The following CDH12 variants were observed in gnomAD, a reference collection of about 807,000 sequenced individuals.
CDH12 encodes the protein cadherin-12.
Under a neutral mutation model 74.1 loss-of-function variants are expected in CDH12, and 41 were observed. The ratio of observed to expected loss-of-function variants is 0.55; its 90% confidence interval spans 0.43 to 0.72. The LOEUF (loss-of-function observed/expected upper bound fraction) is 0.72, where lower values mean the gene tolerates loss of function less well. Among genes scored for constraint, CDH12 ranks in the 30% least tolerant of loss-of-function variants. CDH12 has a pLI of 0.00. For synonymous variants in CDH12, 399 were observed against 355.0 expected (o/e 1.12, Z -1.39); for missense variants, 945 against 977.2 (o/e 0.97, Z 0.44).
At chr5:21,992,802 TA>T (rs1335749278) in intron 5 of CDH12, among the ~76,000 whole-genome samples, 1 of 152,168 alleles carries the variant, frequency 6.6e-6, no homozygotes, top group Admixed American at 6.6e-5. Flanking sequence ...TTTTACATCA[TA>T]AAACTTGATG....
chr5:22,720,656 C>T (rs1341936077), intron 1 of CDH12, among the ~76,000 whole-genome samples: 12 of 152,060 alleles, frequency 7.9e-5, no homozygotes. Flanking sequence ...ACTCAGAAGA[C>T]AGGAAGATGT....
At chr5:22,737,663 A>C (rs1042885190) in intron 1 of CDH12, among the ~76,000 whole-genome samples, 6 of 152,056 alleles carry the variant, frequency 3.9e-5, no homozygotes, top group Admixed American at 3.9e-4. Flanking sequence ...AGAATCGACA[A>C]ACTTATGACA....
chr5:21,844,151 A>C (rs1750027058), intron 7 of CDH12, among the ~76,000 whole-genome samples: 1 of 152,148 alleles, frequency 6.6e-6, no homozygotes, highest in Non-Finnish European at 1.5e-5. Context: ...TTAGATTAAA[A>C]CATTAAGATG....
chr5:22,076,513 T>A (rs559975501), intron 5 of CDH12, among the ~76,000 whole-genome samples: 5 of 152,258 alleles, frequency 3.3e-5, no homozygotes, highest in African/African-American at 1.2e-4. Context: ...CTAGCTTCTG[T>A]CATAAACAGA....
intron 6 of CDH12, among the ~76,000 whole-genome samples, chr5:21,971,087 T>G (rs1453195400): frequency 6.6e-6 from 1 of 151,876 alleles, no homozygotes; most frequent in Non-Finnish European, 1.5e-5. Context: ...TAAACTTTCT[T>G]TTTAAGATAT....
At chr5:22,271,837 T>A (rs1024722524) in intron 3 of CDH12, among the ~76,000 whole-genome samples, 4 of 152,112 alleles carry the variant, frequency 2.6e-5, no homozygotes, top group African/African-American at 9.7e-5. Flanking sequence ...GTCTAAAATA[T>A]TAGGTGAACT....
At chr5:22,467,864 A>G (rs1163553071) in intron 2 of CDH12, among the ~76,000 whole-genome samples, 2 of 152,200 alleles carry the variant, frequency 1.3e-5, no homozygotes, top group Non-Finnish European at 2.9e-5. Context: ...AAATTTGCAG[A>G]AATTTTATTT....
intron 1 of CDH12, among the ~76,000 whole-genome samples, chr5:22,840,009 A>G (rs1737011785): frequency 1.3e-5 from 2 of 152,232 alleles, no homozygotes; most frequent in Admixed American, 6.5e-5. Flanking sequence ...GAACAAACTA[A>G]GTACTGCAGA....
chr5:22,033,296 A>T (rs1300161110), intron 5 of CDH12, among the ~76,000 whole-genome samples: 1 of 152,206 alleles, frequency 6.6e-6, no homozygotes, highest in Non-Finnish European at 1.5e-5. Context: ...CTATTGTCCA[A>T]GATTTTGTTT....
chr5:22,625,646 T>A (rs146678934), intron 1 of CDH12, among the ~76,000 whole-genome samples: 9 of 152,260 alleles, frequency 5.9e-5, no homozygotes, highest in African/African-American at 2.2e-4. Flanking sequence ...GCCCAGGGGA[T>A]AAGGCCTGTC....
At chr5:21,919,186 T>G (rs1230236014) in intron 6 of CDH12, among the ~76,000 whole-genome samples, 1 of 152,220 alleles carries the variant, frequency 6.6e-6, no homozygotes, top group African/African-American at 2.4e-5. Flanking sequence ...ATTTCAAATG[T>G]AGGGATGATT....
intron 4 of CDH12, among the ~76,000 whole-genome samples, chr5:22,179,843 A>G (rs1199496520): frequency 6.6e-6 from 1 of 152,162 alleles, no homozygotes; most frequent in South Asian, 2.1e-4. Flanking sequence ...AGAGTGACAA[A>G]TGTGTGTCAT....
intron 3 of CDH12, among the ~76,000 whole-genome samples, chr5:22,389,562 A>G (rs115351945): frequency 0.012 from 1,838 of 152,274 alleles, 36 homozygotes; most frequent in African/African-American, 0.041. Context: ...TAAAACATCA[A>G]TGCAAAAACA....
chr5:22,083,504 A>G (rs937043860), intron 4 of CDH12, among the ~76,000 whole-genome samples: 1 of 152,204 alleles, frequency 6.6e-6, no homozygotes, highest in Non-Finnish European at 1.5e-5. Flanking sequence ...TGTAGGCACC[A>G]AGTACATCTT....
intron 3 of CDH12, among the ~76,000 whole-genome samples, chr5:22,247,832 G>A (rs1753007022): frequency 6.6e-6 from 1 of 152,088 alleles, no homozygotes; most frequent in Non-Finnish European, 1.5e-5. Flanking sequence ...AAAGTCACAT[G>A]TAAACATATC....
chr5:22,032,852 A>G (rs1738917105), intron 5 of CDH12, among the ~76,000 whole-genome samples: 1 of 150,692 alleles, frequency 6.6e-6, no homozygotes, highest in African/African-American at 2.4e-5. Flanking sequence ...ACACAAAGGA[A>G]GGACTCCAGT....
chr5:22,841,982 A>T (rs1737100064), intron 1 of CDH12, among the ~76,000 whole-genome samples: 1 of 152,170 alleles, frequency 6.6e-6, no homozygotes, highest in Admixed American at 6.5e-5. Flanking sequence ...GCATAATAAA[A>T]TATGAAAATA....
At chr5:22,631,010 C>T (rs1023658103) in intron 1 of CDH12, among the ~76,000 whole-genome samples, 2 of 152,014 alleles carry the variant, frequency 1.3e-5, no homozygotes, top group African/African-American at 4.8e-5. Context: ...AAAGAAGATA[C>T]ATGCAGACAT....
chr5:22,412,183 G>A (rs1049673345), intron 2 of CDH12, among the ~76,000 whole-genome samples: 8 of 151,866 alleles, frequency 5.3e-5, no homozygotes, highest in Non-Finnish European at 2.9e-5. Flanking sequence ...CAATCAGCTA[G>A]CTTCCACCAT....
Sources: allele counts gnomAD v4.1 joint callset (sites outside exome capture counted in the v4.1 genomes callset), GRCh38; gene constraint gnomAD v4.1.1; transcripts MANE v1.5; gene names NCBI Gene and HGNC (gene_info 2026-07-23, HGNC 2026-07-21).